Variants in CHD8 observed in about 807,000 individuals in gnomAD.
CHD8 encodes the protein ATP-dependent chromatin remodeler CHD8.
A neutral mutation model predicts 279.2 loss-of-function variants in CHD8; 31 were observed. The ratio of observed to expected loss-of-function variants is 0.11; its 90% CI spans 0.08 to 0.15. The LOEUF is 0.15. CHD8 is among the 10% of genes least tolerant of loss of function. The pLI is 1.00. For missense variants in CHD8, 2,146 were observed against 3,230.5 expected, an observed-to-expected ratio of 0.66 and a Z score of 8.14; for synonymous variants, 1,081 against 1,139.6, an observed-to-expected ratio of 0.95 and a Z score of 1.04.
chr14:21,441,634 A>G (rs1208808001), intron 1 of CHD8, among the ~76,000 whole-genome samples: 1 of 151,992 alleles, frequency 6.6e-6, no homozygotes, highest in African/African-American at 2.4e-5. Flanking sequence ...CATGCCTGTA[A>G]TCCCAGCACT....
chr14:21,416,636 C>T (rs942036384), intron 5 of CHD8: 2 of 151,388 alleles, frequency 1.3e-5, no homozygotes, highest in South Asian at 2.1e-4. Context: ...CCTTATTTTT[C>T]AATTATGATT....
chr14:21,432,487 T>C (rs536287800), intron 1 of CHD8, among the ~76,000 whole-genome samples: 5 of 152,306 alleles, frequency 3.3e-5, no homozygotes, highest in South Asian at 2.1e-4. Flanking sequence ...ATATTTAAGA[T>C]AAAAAAGGTC....
chr14:21,434,293 G>A (rs141893167), intron 1 of CHD8, among the ~76,000 whole-genome samples: 19 of 152,136 alleles, frequency 1.2e-4, no homozygotes, highest in African/African-American at 3.9e-4. Context: ...GTGAGCCGTC[G>A]CCTCAGCCTC....
intron 5 of CHD8, among the ~76,000 whole-genome samples, chr14:21,418,684 C>T (rs1594363992): frequency 6.6e-6 from 1 of 152,222 alleles, no homozygotes; most frequent in Non-Finnish European, 1.5e-5. Context: ...GGCGTGGTGG[C>T]AGGCGCCTGC....
At chr14:21,451,635 G>A (rs77241690) in intron 1 of CHD8, among the ~76,000 whole-genome samples, 1,491 of 145,012 alleles carry the variant, frequency 0.01, 23 homozygotes, top group African/African-American at 0.036. Flanking sequence ...TTCTATCTAT[G>A]CCTGCTGGAA....
rs1157876485 is a variant in CHD8, at chr14:21,402,678, T to C, written c.3715-175A>G. 6.6e-6 allele frequency among the ~76,000 whole-genome samples: 1 copy of C among 152,066 alleles called. No homozygotes were observed. Among genetic ancestry groups the C allele is most frequent in the East Asian group, 1.9e-4 (1 of 5,184 alleles). ...ATCACCCCATCATGTAGACCAGGGG[T>C]CAGCAAACTAAAGTCTGTGTGGACA... On this transcript the variant is annotated intron_variant, in intron 18 of 37. Transcript: ENST00000646647. This position sits in a 1 kb window ranked among gnomAD's most constrained non-coding sequence, Gnocchi z 4.5.
Position 21,431,656 on chromosome 14 carries a change from A to G in CHD8, c.-13T>C. ...TGGGGTCTGCCATCTTGGGAAAGTA[A>G]TGGAGGGTACTTCTCCAAGGTCTAG... On this transcript the variant is annotated 5_prime_UTR_variant, in exon 2 of 38. Coordinates refer to ENST00000646647, the MANE Select transcript of CHD8 (RefSeq NM_001170629.2). The G allele has an allele frequency of 6.6e-7, 1 of 1,520,832 alleles. No individual in the cohort carries two copies. Among genetic ancestry groups the G allele is most frequent in the Non-Finnish European group, 8.9e-7 (1 of 1,127,912 alleles). 94.2% of individuals were successfully genotyped at this position (1,520,832 alleles called of 1,614,324 possible).
intron 5 of CHD8, chr14:21,416,110 T>C (rs1025358363): frequency 2.2e-5 from 10 of 454,010 alleles, no homozygotes; most frequent in African/African-American, 4.0e-5. Context: ...AACTGCTTTA[T>C]GAAAGGCCAA....
At chr14:21,446,926 A>G (rs1230107503) in intron 1 of CHD8, among the ~76,000 whole-genome samples, 1 of 152,220 alleles carries the variant, frequency 6.6e-6, no homozygotes, top group Non-Finnish European at 1.5e-5. Flanking sequence ...AAGTTCCACA[A>G]GGGTAAAGGC....
intron 1 of CHD8, among the ~76,000 whole-genome samples, chr14:21,442,527 T>C (rs1038556692): frequency 4.6e-5 from 7 of 151,152 alleles, no homozygotes; most frequent in Admixed American, 4.6e-4. Context: ...TGGTCTCAGC[T>C]ACTTGGGAGG....
chr14:21,454,570 C>T (rs1352086679), intron 1 of CHD8, among the ~76,000 whole-genome samples: 1 of 152,106 alleles, frequency 6.6e-6, no homozygotes, highest in African/African-American at 2.4e-5. Context: ...TCAAGTGATC[C>T]GTCCGCCTCC....
intron 10 of CHD8, among the ~76,000 whole-genome samples, chr14:21,412,271 G>C (rs941662153): frequency 6.6e-6 from 1 of 151,612 alleles, no homozygotes; most frequent in Admixed American, 6.6e-5. Flanking sequence ...TCAGCCTCCC[G>C]AGTAGCTGGG....
rs1317432879 is a variant in CHD8, at chr14:21,417,880, ATAAT to A, written c.1717-1977_1717-1974del. 2.1e-5 allele frequency among the ~76,000 whole-genome samples: 3 copies of A among 144,732 alleles called. No homozygotes were observed. In the South Asian group the frequency reaches 6.4e-4, roughly 31 times the overall value. 94.9% of individuals were successfully genotyped at this position (144,732 alleles called of 152,430 possible). On this transcript the variant is annotated intron_variant, in intron 5 of 37. Coordinates refer to ENST00000646647, the MANE Select transcript of CHD8 (RefSeq NM_001170629.2). ...AAAAAAAAAAAATATATATATATAT[ATAAT>A]ATATATATATATACACACACACACA...
intron 5 of CHD8, among the ~76,000 whole-genome samples, chr14:21,419,430 T>C (rs187334234): frequency 1.3e-5 from 2 of 152,180 alleles, no homozygotes; most frequent in Admixed American, 1.3e-4. Context: ...TGTGGCAGCA[T>C]GTGCCTGCAG....
chr14:21,445,618 G>GCA (rs1298401087), intron 1 of CHD8, among the ~76,000 whole-genome samples: 1 of 148,122 alleles, frequency 6.8e-6, no homozygotes. Flanking sequence ...GAATCCAGTA[G>GCA]GCAGAGGCTG....
intron 37 of CHD8, among the ~76,000 whole-genome samples, chr14:21,386,664 G>A (rs373431130): frequency 6.6e-6 from 1 of 151,918 alleles, no homozygotes; most frequent in East Asian, 1.9e-4. Context: ...GGTGAAACCC[G>A]GTCTCTACTA....
chr14:21,424,180 T>A (rs1197357027), intron 5 of CHD8, among the ~76,000 whole-genome samples: 1 of 152,334 alleles, frequency 6.6e-6, no homozygotes, highest in East Asian at 1.9e-4. Context: ...CACCTTCAAT[T>A]CGGTTGGGAT....
chr14:21,424,302 A>G (rs1377353785), intron 5 of CHD8, among the ~76,000 whole-genome samples: 1 of 152,190 alleles, frequency 6.6e-6, no homozygotes, highest in East Asian at 1.9e-4. Flanking sequence ...TTAATCATAT[A>G]TAGTAAATTT....
intron 5 of CHD8, among the ~76,000 whole-genome samples, chr14:21,420,242 G>A (rs1888964012): frequency 6.6e-6 from 1 of 152,226 alleles, no homozygotes; most frequent in African/African-American, 2.4e-5. Context: ...GCCAGGAAGT[G>A]GACAAGAATG....
Sources: gnomAD v4.1 joint callset for allele counts (sites outside exome capture counted in the v4.1 genomes callset) on GRCh38, gnomAD v4.1.1 for gene constraint, Gnocchi (gnomAD v3.1) non-coding constraint, MANE v1.5 for transcripts, NCBI Gene and HGNC (gene_info 2026-07-23, HGNC 2026-07-21) for gene names.